Variants in SPART observed in about 807,000 individuals in gnomAD.
SPART encodes the protein spastic paraplegia 20 (Troyer syndrome).
A neutral mutation model predicts 58.7 loss-of-function variants in SPART; 35 were observed. The observed-to-expected ratio is 0.60, with a 90% CI of 0.46 to 0.79. The LOEUF is 0.79. Ranked by LOEUF, SPART falls within the 30% of genes least tolerant of loss-of-function variation. SPART has a pLI of 0.00. For synonymous variants in SPART, 284 were observed against 280.7 expected (o/e 1.01, Z -0.12); for missense variants, 730 against 786.1 (o/e 0.93, Z 0.85).
intron 1 of SPART, among the ~76,000 whole-genome samples, chr13:36,367,459 C>CTGGT (rs1886105183): frequency 6.6e-6 from 1 of 152,172 alleles, no homozygotes; most frequent in African/African-American, 2.4e-5. Flanking sequence ...CCAGCCTCTG[C>CTGGT]ATATATACCT....
chr13:36,309,139 G>A (rs1880817643), intron 8 of SPART, among the ~76,000 whole-genome samples: 1 of 151,852 alleles, frequency 6.6e-6, no homozygotes, highest in Non-Finnish European at 1.5e-5. Context: ...AGCTACTAGG[G>A]AGGCTGAGGC....
At chr13:36,316,761 A>AT (rs1881758268) in intron 5 of SPART, among the ~76,000 whole-genome samples, 1 of 152,116 alleles carries the variant, frequency 6.6e-6, no homozygotes, top group African/African-American at 2.4e-5. Flanking sequence ...CTTCACACAG[A>AT]CGCGCATGAA....
intron 1 of SPART, among the ~76,000 whole-genome samples, chr13:36,355,756 A>G (rs1021880155): frequency 3.9e-5 from 6 of 152,202 alleles, no homozygotes; most frequent in Admixed American, 6.5e-5. Context: ...GTTTCAGGCC[A>G]TGATGGGAAG....
intron 6 of SPART, 102 bp downstream of exon 6, chr13:36,314,125 T>C: frequency 8.4e-7 from 1 of 1,195,066 alleles, no homozygotes. Flanking sequence ...AATTCTTTAT[T>C]CTTGAGATTA....
chr13:36,321,293 T>C (rs1203680040), intron 5 of SPART, among the ~76,000 whole-genome samples: 2 of 152,188 alleles, frequency 1.3e-5, no homozygotes, highest in African/African-American at 4.8e-5. Context: ...ACAGCTGATA[T>C]CTCCTGGTGC....
In SPART at chr13:36,331,714, A is replaced by G. The variant is rs1014011396; in HGVS notation, c.811-118T>C. 1.2e-4 allele frequency: 90 copies of G among 753,008 alleles called. No homozygotes were observed. The African/African-American group carries it at 1.4e-3, about 12-fold the overall frequency. 46.6% of individuals were successfully genotyped at this position (753,008 alleles called of 1,614,324 possible). ...ATAAACACTTCAAAGTTGGAAACAT[A>G]TTTTAAAAGGCTTTAAGAAACATCA... is the stretch of plus-strand genomic sequence containing the variant. On this transcript the variant is annotated intron_variant, in intron 2 of 8. Transcript: ENST00000438666.
intron 5 of SPART, among the ~76,000 whole-genome samples, chr13:36,317,833 A>G (rs1014106028): frequency 1.6e-4 from 25 of 152,282 alleles, no homozygotes; most frequent in Middle Eastern, 3.4e-3. Flanking sequence ...TGACCCCAAT[A>G]CAAACTCTAC....
chr13:36,354,643 C>CT (rs762000678), intron 1 of SPART, among the ~76,000 whole-genome samples: 3 of 152,214 alleles, frequency 2.0e-5, no homozygotes, highest in Non-Finnish European at 4.4e-5. Context: ...TTCTCCTGGA[C>CT]TTTGCCTCTG....
At chr13:36,362,517 A>G (rs1885905334) in intron 1 of SPART, among the ~76,000 whole-genome samples, 1 of 152,118 alleles carries the variant, frequency 6.6e-6, no homozygotes, top group African/African-American at 2.4e-5. Flanking sequence ...TCAGTTATTG[A>G]AAAAAGTGCA....
At chr13:36,359,922 T>TAAA (rs1885774054) in intron 1 of SPART, among the ~76,000 whole-genome samples, 3 of 4,872 alleles carry the variant, frequency 6.2e-4, no homozygotes, top group Non-Finnish European at 9.8e-4. Context: ...GGTTGTTAAT[T>TAAA]TAAAAAAAAA....
chr13:36,357,169 C>T (rs571996631), intron 1 of SPART, among the ~76,000 whole-genome samples: 21 of 152,248 alleles, frequency 1.4e-4, no homozygotes, highest in African/African-American at 4.8e-4. Flanking sequence ...TGCTCCCGCT[C>T]TTACAACCAT....
intron 1 of SPART, among the ~76,000 whole-genome samples, chr13:36,341,105 CTGT>C (rs1337730302): frequency 1.3e-5 from 2 of 152,016 alleles, no homozygotes. Context: ...TATATTCGCA[CTGT>C]TTAGAGTACA....
At chr13:36,338,558 C>A (rs1884247893) in intron 1 of SPART, among the ~76,000 whole-genome samples, 1 of 152,162 alleles carries the variant, frequency 6.6e-6, no homozygotes, top group Non-Finnish European at 1.5e-5. Context: ...TCAGATCTTT[C>A]CTACACCAAG....
At chr13:36,318,515 A>G (rs901416013) in intron 5 of SPART, among the ~76,000 whole-genome samples, 1 of 152,176 alleles carries the variant, frequency 6.6e-6, no homozygotes, top group Admixed American at 6.5e-5. Flanking sequence ...AACTCCAAAA[A>G]TTAAATTCTG....
intron 1 of SPART, among the ~76,000 whole-genome samples, chr13:36,367,254 T>C (rs542295275): frequency 8.5e-5 from 13 of 152,304 alleles, no homozygotes; most frequent in Admixed American, 5.2e-4. Context: ...CATGGAGGCC[T>C]TCTTGCCCTT....
chr13:36,344,689 A>G (rs186851235), intron 1 of SPART, among the ~76,000 whole-genome samples: 1 of 152,352 alleles, frequency 6.6e-6, no homozygotes, highest in East Asian at 1.9e-4. Context: ...AAAAAAGCCT[A>G]TTCTATTCCT....
chr13:36,350,609 T>C (rs894995619), upstream of SPART, among the ~76,000 whole-genome samples: 1 of 150,592 alleles, frequency 6.6e-6, no homozygotes. Context: ...ACTTAACTTC[T>C]AACTTTTCTC....
At chr13:36,318,917 C>T (rs1348981325) in intron 5 of SPART, among the ~76,000 whole-genome samples, 23 of 152,182 alleles carry the variant, frequency 1.5e-4, no homozygotes, top group African/African-American at 5.6e-4. Flanking sequence ...CGGCTGAAGA[C>T]TGACACTGCC....
chr13:36,353,623 G>C (rs1437779115), intron 1 of SPART, among the ~76,000 whole-genome samples: 1 of 152,148 alleles, frequency 6.6e-6, no homozygotes, highest in East Asian at 1.9e-4. Flanking sequence ...GTTGGGCGCT[G>C]TCAGGAATCA....
Sources: gnomAD v4.1 joint callset for allele counts (sites outside exome capture counted in the v4.1 genomes callset) on GRCh38, gnomAD v4.1.1 for gene constraint, MANE v1.5 for transcripts, NCBI Gene and HGNC (gene_info 2026-07-23, HGNC 2026-07-21) for gene names.